The following PTPMT1 variants were observed in gnomAD, a reference collection of about 807,000 sequenced individuals.
PTPMT1 encodes the protein phosphatidylglycerophosphatase and protein-tyrosine phosphatase 1.
A neutral mutation model predicts 17.8 loss-of-function variants in PTPMT1; 12 were observed. That is an observed-to-expected ratio of 0.67 (90% CI 0.43 to 1.09). The LOEUF is 1.09. Among genes scored for constraint, PTPMT1 ranks in the 50% least tolerant of loss-of-function variants. The pLI is 0.00. For synonymous variants in PTPMT1, 132 were observed against 116.8 expected, an observed-to-expected ratio of 1.13 and a Z score of -0.84; for missense variants, 262 against 266.0, an observed-to-expected ratio of 0.99 and a Z score of 0.10.
Position 47,573,101 on chromosome 11 carries a change from A to G in PTPMT1, c.*1472A>G. Reference sequence around the variant, plus strand: ...TGGCAATCTTCCAGAGGGATGGGGCAGAGCTCCAGGCCTCAGGAAGGCAAA... The same window carrying G: ...TGGCAATCTTCCAGAGGGATGGGGCGGAGCTCCAGGCCTCAGGAAGGCAAA... On this transcript the variant is annotated 3_prime_UTR_variant, in exon 4 of 4. Transcript: ENST00000326674. This position sits in a 1 kb window ranked among gnomAD's most constrained non-coding sequence, Gnocchi z 4.1. 6.2e-7 allele frequency: 1 copy of G among 1,614,200 alleles called. No individual in the cohort carries two copies. The highest frequency in any genetic ancestry group is 2.2e-5 in the East Asian group (1 of 44,884).
At chr11:47,565,836 C>CGCCGCTCCGTCCCT (rs747542490) in intron 1 of PTPMT1, 40 bp downstream of exon 1, 11 of 1,599,042 alleles carry the variant, frequency 6.9e-6, no homozygotes, top group Non-Finnish European at 8.5e-6. Flanking sequence ...GCCCCGTCCC[C>CGCCGCTCCGTCCCT]GCCGCTCCGT....
intron 2 of PTPMT1, among the ~76,000 whole-genome samples, chr11:47,566,372 A>G (rs1297144536): frequency 1.3e-5 from 2 of 151,702 alleles, no homozygotes; most frequent in Admixed American, 6.6e-5. Flanking sequence ...ACTCCCAGCT[A>G]CTTGGGAGGC....
In PTPMT1 at chr11:47,573,172, C is replaced by A; in HGVS notation, c.*1543C>A. 1 of 1,614,176 alleles carries A rather than the reference C, an allele frequency of 6.2e-7. No homozygotes were observed. The highest frequency in any genetic ancestry group is 1.3e-5 in the African/African-American group (1 of 75,042). On this transcript the variant is annotated 3_prime_UTR_variant, in exon 4 of 4. Transcript: ENST00000326674. This position sits in a 1 kb window ranked among gnomAD's most constrained non-coding sequence, Gnocchi z 4.1. The stretch of plus-strand genomic sequence containing the variant: ...AAGGGATTGTAGCACACCAGGGAGT[C>A]CCCTTCAGCCACGATGAACACCAGA...
chr11:47,573,221 G>A lies in PTPMT1; in HGVS notation c.*1592G>A. 2 of 1,614,152 alleles carry A rather than the reference G, an allele frequency of 1.2e-6. No individual in the cohort carries two copies. Among genetic ancestry groups the A allele is most frequent in the South Asian group, 2.2e-5 (2 of 91,076 alleles). ...GATCTTTATGCACAGCTGCGTGCAT[G>A]CGGCCTGCAAAGGGCAGCACATAGG... On this transcript the variant is annotated 3_prime_UTR_variant, in exon 4 of 4. Coordinates refer to ENST00000326674, the MANE Select transcript of PTPMT1 (RefSeq NM_175732.3). This position sits in a 1 kb window ranked among gnomAD's most constrained non-coding sequence, Gnocchi z 4.1.
intron 2 of PTPMT1, 95 bp downstream of exon 2, chr11:47,566,081 C>A: frequency 7.4e-7 from 1 of 1,354,604 alleles, no homozygotes; most frequent in Non-Finnish European, 9.8e-7. Context: ...GGGGAGGTCA[C>A]CATGCACCGG....
At chr11:47,568,026 T>C (rs1318606578) in intron 2 of PTPMT1, among the ~76,000 whole-genome samples, 2 of 152,066 alleles carry the variant, frequency 1.3e-5, no homozygotes, top group African/African-American at 4.8e-5. Flanking sequence ...TTCATGCCAT[T>C]CTCCTGCCTC....
intron 2 of PTPMT1, among the ~76,000 whole-genome samples, chr11:47,566,194 G>C (rs1328901885): frequency 6.6e-6 from 1 of 152,130 alleles, no homozygotes; most frequent in Non-Finnish European, 1.5e-5. Context: ...GTTCAAGTTG[G>C]GCCGGGCGCG....
rs987418960 is a variant in PTPMT1 at position 47,569,642 on chromosome 11, A to T, written c.256-58A>T. ...TGCTGCTTCTTGGGAGCCCCTTATC[A>T]TCCCACCCACATAGTTTTTTTTCAT... On this transcript the variant is annotated intron_variant, in intron 2 of 3. Coordinates refer to ENST00000326674, the MANE Select transcript of PTPMT1 (RefSeq NM_175732.3). The T allele has an allele frequency of 1.8e-5, 26 of 1,425,190 alleles. No individual in the cohort carries two copies. The East Asian group carries it at 5.9e-4, about 32-fold the overall frequency. The allele number at this position is 1,425,190 out of a possible 1,614,324, so 88.3% of individuals were successfully genotyped here. A position where few individuals can be genotyped will look rare whatever the true frequency, so the allele number is the denominator to read the frequency against.
In PTPMT1 at chr11:47,571,459, C is replaced by A. The variant is rs2097249630; in HGVS notation, c.448-12C>A. 2 of 1,613,044 alleles carry A rather than the reference C, an allele frequency of 1.2e-6. No individual in the cohort carries two copies. The highest frequency in any genetic ancestry group is 2.2e-5 in the South Asian group (2 of 90,954). On this transcript the variant is annotated splice_polypyrimidine_tract_variant and intron_variant, in intron 3 of 3. Coordinates refer to ENST00000326674, the MANE Select transcript of PTPMT1 (RefSeq NM_175732.3). ...TTTCTTTCTCTGCTGATTTCCCAAC[C>A]CTGTACTTCAGGTGCACAAATGGAG...
Position 47,573,257 on chromosome 11 carries a change from G to C in PTPMT1, c.*1628G>C, listed in dbSNP as rs2097252845. ...AGGGCAGCACATAGGGCTTCACATG[G>C]CATTTGTCTGTCTCTGTGTCAAAGC... On this transcript the variant is annotated 3_prime_UTR_variant, in exon 4 of 4. Transcript: ENST00000326674. The surrounding 1 kb of genome is among the most constrained non-coding windows in gnomAD (Gnocchi z 4.1). The C allele has an allele frequency of 1.2e-6, 2 of 1,614,130 alleles. No individual in the cohort carries two copies. Among genetic ancestry groups the C allele is most frequent in the Non-Finnish European group, 1.7e-6 (2 of 1,180,016 alleles).
At chr11:47,570,019 C>T (rs548943252) in intron 3 of PTPMT1, 128 bp downstream of exon 3, 6 of 695,882 alleles carry the variant, frequency 8.6e-6, no homozygotes, top group East Asian at 2.7e-5. Flanking sequence ...ATGGCAAAAC[C>T]GTCTCTACAA....
At position 47,571,770 on chromosome 11, in the gene PTPMT1, CTTG is replaced by C. The variant is rs1156290789; in HGVS notation, c.*144_*146del. 4.0e-6 allele frequency: 3 copies of C among 755,846 alleles called. No individual in the cohort carries two copies. The highest frequency in any genetic ancestry group is 6.5e-6 in the Non-Finnish European group (3 of 458,284). The allele number at this position is 755,846 out of a possible 1,614,324, so 46.8% of individuals were successfully genotyped here. On this transcript the variant is annotated 3_prime_UTR_variant, in exon 4 of 4. Coordinates refer to ENST00000326674, the MANE Select transcript of PTPMT1 (RefSeq NM_175732.3). ...TAATAGGTAATTTTTCTTTCTCTGA[CTTG>C]TTTTGTTTTCTTGAAATAACACTGT...
intron 2 of PTPMT1, among the ~76,000 whole-genome samples, chr11:47,568,293 A>G (rs1436892949): frequency 1.3e-5 from 2 of 152,146 alleles, no homozygotes; most frequent in African/African-American, 4.8e-5. Context: ...TAAAAAAGAG[A>G]CTTATGGACA....
At chr11:47,569,388 A>T (rs1165534094) in intron 2 of PTPMT1, among the ~76,000 whole-genome samples, 23 of 452 alleles carry the variant, frequency 0.051, no homozygotes, top group East Asian at 0.31. Context: ...TCTGTCTTTA[A>T]AAAAAAAAAA....
Position 47,571,610 on chromosome 11 carries a change from T to C in PTPMT1, c.587T>C (p.Phe196Ser). 2 of 1,614,036 alleles carry C rather than the reference T, an allele frequency of 1.2e-6. No homozygotes were observed. Among genetic ancestry groups the C allele is most frequent in the Non-Finnish European group, 1.7e-6 (2 of 1,180,014 alleles). Residue 196 changes from phenylalanine (F) to serine (S), a missense_variant, in exon 4 of 4, where the codon TTT becomes TCT. By Grantham distance (155) the Phe-to-Ser change is radical. Coordinates refer to ENST00000326674, the MANE Select transcript of PTPMT1 (RefSeq NM_175732.3). ...ITARATKDGTFVISKT is the reference protein window; with the variant it reads ...ITARATKDGTSVISKT ...GCACGGGCAACAAAGGATGGGACTT[T>C]TGTCATTTCAAAGACATGATGTATG... is the stretch of plus-strand genomic sequence containing the variant.
chr11:47,570,579 T>C (rs1207958043), intron 3 of PTPMT1, among the ~76,000 whole-genome samples: 1 of 152,236 alleles, frequency 6.6e-6, no homozygotes, highest in Non-Finnish European at 1.5e-5. Context: ...ATATCATAGA[T>C]AATAGTGCTG....
In PTPMT1 at chr11:47,573,306, G is replaced by A. The variant is rs774301160; in HGVS notation, c.*1677G>A. On this transcript the variant is annotated 3_prime_UTR_variant, in exon 4 of 4. Coordinates refer to ENST00000326674, the MANE Select transcript of PTPMT1 (RefSeq NM_175732.3). The surrounding 1 kb of genome is among the most constrained non-coding windows in gnomAD (Gnocchi z 4.1). ...GCACTGGATGAGTCGGGAAGGTTTGGTAAAGAAGTCCAGATCATTCTCCTC... is the reference window on the plus strand; with the variant it reads ...GCACTGGATGAGTCGGGAAGGTTTGATAAAGAAGTCCAGATCATTCTCCTC... 124 of 1,614,056 alleles carry A rather than the reference G, an allele frequency of 7.7e-5. No individual in the cohort carries two copies. The highest frequency in any genetic ancestry group is 1.0e-4 in the Non-Finnish European group (122 of 1,180,032).
chr11:47,567,559 C>CTTTTTTTTTTTTTTTTTT (rs370022255), intron 2 of PTPMT1, among the ~76,000 whole-genome samples: 3 of 116,172 alleles, frequency 2.6e-5, no homozygotes, highest in African/African-American at 6.2e-5. Flanking sequence ...TATTTCTTTT[C>CTTTTTTTTTTTTTTTTTT]TTTTTTTTTT....
intron 2 of PTPMT1, among the ~76,000 whole-genome samples, chr11:47,568,259 A>G (rs929741190): frequency 6.6e-6 from 1 of 152,146 alleles, no homozygotes; most frequent in Admixed American, 6.5e-5. Flanking sequence ...ATTTTCTACC[A>G]TATGTTCCCT....
Sources: allele counts gnomAD v4.1 joint callset (sites outside exome capture counted in the v4.1 genomes callset), GRCh38; gene constraint gnomAD v4.1.1; non-coding constraint Gnocchi (gnomAD v3.1); transcripts MANE v1.5; gene names NCBI Gene and HGNC (gene_info 2026-07-23, HGNC 2026-07-21).